The following LRRC63 variants were observed in gnomAD, a reference collection of about 807,000 sequenced individuals.
LRRC63 encodes the protein leucine rich repeat containing 63.
In LRRC63, 40 loss-of-function variants were observed where a neutral mutation model predicts 49.5. The observed-to-expected ratio is 0.81, with a 90% confidence interval of 0.63 to 1.05. The LOEUF is 1.05. Among genes scored for constraint, LRRC63 ranks in the 50% least tolerant of loss-of-function variants. LRRC63 has a pLI of 0.00. For missense variants in LRRC63, 636 were observed against 663.1 expected (o/e 0.96, Z 0.45); for synonymous variants, 191 against 221.1 (o/e 0.86, Z 1.21).
chr13:46,227,755 T>C, exon 3 of LRRC63: 1 of 1,550,584 alleles, frequency 6.4e-7, no homozygotes. Context: ...TCCATATTTT[T>C]TCCACATTGT....
intron 5 of LRRC63, among the ~76,000 whole-genome samples, chr13:46,239,462 C>A (rs1322166459): frequency 6.6e-6 from 1 of 152,032 alleles, no homozygotes; most frequent in Non-Finnish European, 1.5e-5. Flanking sequence ...CTGAACAGAC[C>A]AATAATGAGC....
intron 2 of LRRC63, among the ~76,000 whole-genome samples, chr13:46,223,012 G>T (rs1278198416): frequency 7.2e-6 from 1 of 139,134 alleles, no homozygotes; most frequent in African/African-American, 2.7e-5. Flanking sequence ...ATTGAACAAT[G>T]AGAACACATG....
chr13:46,274,247 G>C (rs553664932), intron 9 of LRRC63, among the ~76,000 whole-genome samples: 1 of 152,102 alleles, frequency 6.6e-6, no homozygotes, highest in Non-Finnish European at 1.5e-5. Flanking sequence ...GTGAGAGAGG[G>C]AGGATGAAAA....
At chr13:46,245,534 A>T (rs1191507626) in intron 5 of LRRC63, among the ~76,000 whole-genome samples, 1 of 152,208 alleles carries the variant, frequency 6.6e-6, no homozygotes, top group African/African-American at 2.4e-5. Flanking sequence ...AAATAGTCAC[A>T]ATAAGATATC....
intron 8 of LRRC63, among the ~76,000 whole-genome samples, chr13:46,263,787 A>G (rs1205291380): frequency 6.6e-6 from 1 of 152,120 alleles, no homozygotes; most frequent in Non-Finnish European, 1.5e-5. Flanking sequence ...TAGCACTTAA[A>G]TCTTACAAGC....
At chr13:46,226,892 A>G (rs2046593159) in intron 2 of LRRC63, among the ~76,000 whole-genome samples, 1 of 152,192 alleles carries the variant, frequency 6.6e-6, no homozygotes, top group Non-Finnish European at 1.5e-5. Flanking sequence ...GAAAAATGTC[A>G]TTTCACATTC....
chr13:46,266,912 A>G, exon 9 of LRRC63: 1 of 1,548,344 alleles, frequency 6.5e-7, no homozygotes, highest in Non-Finnish European at 8.7e-7. Context: ...TTCATTGTCC[A>G]AAATAAACTA....
At chr13:46,237,880 C>T (rs79836886) in intron 5 of LRRC63, among the ~76,000 whole-genome samples, 5,967 of 151,730 alleles carry the variant, frequency 0.039, 371 homozygotes, top group African/African-American at 0.14. Context: ...CACAAATTAC[C>T]AAAACAGACT....
chr13:46,214,238 A>G (rs889366815), intron 2 of LRRC63, among the ~76,000 whole-genome samples: 2 of 152,196 alleles, frequency 1.3e-5, no homozygotes, highest in Non-Finnish European at 2.9e-5. Context: ...AACTTGATTT[A>G]TAATGTTAAA....
chr13:46,227,262 G>T (rs190791111), intron 2 of LRRC63, among the ~76,000 whole-genome samples: 5 of 152,218 alleles, frequency 3.3e-5, no homozygotes, highest in African/African-American at 9.6e-5. Flanking sequence ...TACCAATTCT[G>T]TTCTTCCAAG....
chr13:46,248,595 C>G (rs1431157865), intron 6 of LRRC63, among the ~76,000 whole-genome samples: 1 of 151,736 alleles, frequency 6.6e-6, no homozygotes, highest in Non-Finnish European at 1.5e-5. Context: ...ACTTTATAAA[C>G]AAATGTTTAT....
chr13:46,231,176 TC>T (rs1178012805), intron 4 of LRRC63, among the ~76,000 whole-genome samples: 3 of 152,206 alleles, frequency 2.0e-5, no homozygotes, highest in South Asian at 2.1e-4. Context: ...CCTAGAAACT[TC>T]CAACCTCTGC....
rs778760685 is a variant in LRRC63, at chr13:46,261,898, T to G, written c.1227-11T>G. ...ATCATTTCTACAATTAATTTTCTCT[T>G]TCTATTTAAGGTTATTTTCCTTGTC... On this transcript the variant is annotated splice_polypyrimidine_tract_variant and intron_variant, in intron 7 of 9. Transcript: ENST00000595396. The G allele has an allele frequency of 4.4e-6, 4 of 902,944 alleles. No individual in the cohort carries two copies. In the East Asian group the frequency reaches 9.9e-5, roughly 22 times the overall value. The allele number at this position is 902,944 out of a possible 1,614,324, so 55.9% of individuals were successfully genotyped here.
chr13:46,228,444 A>G (rs1400996342), intron 3 of LRRC63, among the ~76,000 whole-genome samples: 1 of 152,218 alleles, frequency 6.6e-6, no homozygotes, highest in Non-Finnish European at 1.5e-5. Context: ...AAAGGATCGG[A>G]AAAGCTAATA....
chr13:46,240,640 G>T (rs1418604564), intron 5 of LRRC63, among the ~76,000 whole-genome samples: 1 of 152,220 alleles, frequency 6.6e-6, no homozygotes, highest in South Asian at 2.1e-4. Flanking sequence ...AAAGTCTCAG[G>T]CTACAAAATC....
At chr13:46,216,165 T>C (rs879370956) in intron 2 of LRRC63, among the ~76,000 whole-genome samples, 3 of 152,242 alleles carry the variant, frequency 2.0e-5, no homozygotes, top group Non-Finnish European at 4.4e-5. Flanking sequence ...AAGTCAGTGG[T>C]AGCTTGATGA....
chr13:46,230,929 C>G (rs975081948), intron 4 of LRRC63, among the ~76,000 whole-genome samples: 54 of 152,230 alleles, frequency 3.5e-4, no homozygotes, highest in African/African-American at 1.3e-3. Context: ...CAAGTCATCA[C>G]TCTGAAGTTC....
intron 2 of LRRC63, among the ~76,000 whole-genome samples, chr13:46,219,869 AG>A (rs2046355453): frequency 6.6e-6 from 1 of 152,082 alleles, no homozygotes. Flanking sequence ...CCTCTGCTGC[AG>A]GTCTGCTGGA....
At chr13:46,252,778 A>G (rs1323440473) in intron 7 of LRRC63, among the ~76,000 whole-genome samples, 1 of 152,062 alleles carries the variant, frequency 6.6e-6, no homozygotes, top group Non-Finnish European at 1.5e-5. Context: ...TATGAAAAGA[A>G]GCAGCATATA....
Sources: allele counts gnomAD v4.1 joint callset (sites outside exome capture counted in the v4.1 genomes callset), GRCh38; gene constraint gnomAD v4.1.1; transcripts MANE v1.5; gene names NCBI Gene and HGNC (gene_info 2026-07-23, HGNC 2026-07-21).